COL5A3: variants seen among roughly 807,000 people sequenced by gnomAD.
COL5A3 encodes the protein collagen type V alpha 3 chain.
COL5A3 carries 172 observed loss-of-function variants against 250.0 expected under a neutral mutation model. The observed-to-expected ratio is 0.69, with a 90% CI of 0.61 to 0.78. The LOEUF (loss-of-function observed/expected upper bound fraction) is 0.78. COL5A3 is among the 30% of genes least tolerant of loss of function. COL5A3 has a pLI of 0.00. For synonymous variants in COL5A3, 937 were observed against 900.4 expected, an observed-to-expected ratio of 1.04 and a Z score of -0.73; for missense variants, 2,340 against 2,334.4, an observed-to-expected ratio of 1.00 and a Z score of -0.05.
chr19:9,989,546 G>A lies in COL5A3; in HGVS notation c.1993-24C>T, dbSNP rs375079618. ...CCCTGAAAGAAGATGAACAGCAGGG[G>A]AGAGACAGAGGTGCTCAGAGCCCTG... is the stretch of plus-strand genomic sequence containing the variant. On this transcript the variant is annotated intron_variant, in intron 24 of 66. Coordinates refer to ENST00000264828, the MANE Select transcript of COL5A3 (RefSeq NM_015719.4). The A allele has an allele frequency of 8.1e-6, 13 of 1,600,984 alleles. No individual in the cohort carries two copies. The African/African-American group carries it at 1.7e-4, about 21-fold the overall frequency.
intron 31 of COL5A3, among the ~76,000 whole-genome samples, chr19:9,983,642 A>C (rs1034205353): frequency 6.7e-6 from 1 of 150,276 alleles, no homozygotes; most frequent in Non-Finnish European, 1.5e-5. Flanking sequence ...AGAGAGAGAG[A>C]GAAAGAAAGA....
intron 32 of COL5A3, 89 bp downstream of exon 32, chr19:9,981,976 C>T: frequency 2.0e-6 from 2 of 1,009,098 alleles, no homozygotes; most frequent in Non-Finnish European, 1.6e-6. Context: ...ACACAAACAC[C>T]CAGGGTCCAC....
chr19:9,970,114 G>A (rs1362445144), intron 54 of COL5A3, among the ~76,000 whole-genome samples, 192 bp from the exon 55 acceptor site: 1 of 49,508 alleles, frequency 2.0e-5, no homozygotes, highest in Non-Finnish European at 3.9e-5. Flanking sequence ...GGCTGTGGGT[G>A]AGTGGAGGCT....
chr19:9,998,388 A>G (rs553741213), intron 8 of COL5A3, among the ~76,000 whole-genome samples: 17 of 152,150 alleles, frequency 1.1e-4, no homozygotes, highest in South Asian at 2.1e-4. Context: ...CTGCTGCCCA[A>G]TACTGATCCT....
Position 9,971,071 on chromosome 19 carries a change from C to T in COL5A3, c.3829-43G>A, listed in dbSNP as rs375684830. 185 of 1,481,976 alleles carry T rather than the reference C, an allele frequency of 1.2e-4. No homozygotes were observed. The African/African-American group carries it at 2.5e-3, about 20-fold the overall frequency. The allele number at this position is 1,481,976 out of a possible 1,614,324, so 91.8% of individuals were successfully genotyped here. On this transcript the variant is annotated intron_variant, in intron 52 of 66. Transcript: ENST00000264828. ...AGAGTTGGGAGGGGTGATGAGGGTA[C>T]GTGAGAATTTGGGATGGGGCTGGGA... is the stretch of plus-strand genomic sequence containing the variant.
Position 9,996,114 on chromosome 19 carries a change from G to T in COL5A3, c.1485C>A (p.Leu495=), listed in dbSNP as rs2087266372. The T allele has an allele frequency of 1.9e-6, 3 of 1,580,442 alleles. No individual in the cohort carries two copies. The East Asian group carries it at 6.7e-5, about 35-fold the overall frequency. ...GLTGRPGPVG[L]PGHPGLKGEE... ...CTCCTTTCAGACCTGGATGCCCGGG[G>T]AGACCCTTGGGGGAGGAGAGATGGA... The change falls in exon 15 of 67, where the codon CTC becomes CTA. Residue 495 remains leucine (L), a synonymous_variant. Coordinates refer to ENST00000264828, the MANE Select transcript of COL5A3 (RefSeq NM_015719.4).
chr19:10,004,786 A>G (rs981250077), intron 4 of COL5A3, among the ~76,000 whole-genome samples: 2 of 152,174 alleles, frequency 1.3e-5, no homozygotes, highest in Admixed American at 1.3e-4. Flanking sequence ...CACCCAGAAC[A>G]CATATCACAC....
chr19:9,965,255 C>T (rs564625231), intron 64 of COL5A3, among the ~76,000 whole-genome samples: 3 of 149,862 alleles, frequency 2.0e-5, no homozygotes, highest in South Asian at 2.1e-4. Flanking sequence ...TCTGGGTTCA[C>T]GCCATCCTCC....
intron 40 of COL5A3, 105 bp from the exon 41 acceptor site, chr19:9,978,732 A>T (rs1158299872): frequency 3.2e-6 from 3 of 950,984 alleles, no homozygotes; most frequent in Non-Finnish European, 4.6e-6. Flanking sequence ...CTGGGACTGG[A>T]CACTGAGCTT....
At position 9,968,772 on chromosome 19, in the gene COL5A3, C is replaced by T. The variant is rs772333179; in HGVS notation, c.4153-44G>A. ...TCAGTTAGGGATTCTCAAATGTGAA[C>T]TCGAGGTCTGTGTGGGTGGTTAGGG... is the stretch of plus-strand genomic sequence containing the variant. On this transcript the variant is annotated intron_variant, in intron 57 of 66. Transcript: ENST00000264828. This position sits in a 1 kb window ranked among gnomAD's most constrained non-coding sequence, Gnocchi z 4.1. 1.3e-6 allele frequency: 2 copies of T among 1,561,064 alleles called. No individual in the cohort carries two copies. The highest frequency in any genetic ancestry group is 2.3e-5 in the East Asian group (1 of 44,112).
rs538202648 is a variant in COL5A3 at position 9,991,893 on chromosome 19, G to A, written c.1894-52C>T. 82 of 1,590,486 alleles carry A rather than the reference G, an allele frequency of 5.2e-5. 1 individual carries two copies. Among genetic ancestry groups the A allele is most frequent in the East Asian group, 3.6e-4 (16 of 44,704 alleles). On this transcript the variant is annotated intron_variant, in intron 22 of 66. Coordinates refer to ENST00000264828, the MANE Select transcript of COL5A3 (RefSeq NM_015719.4). ...AGCTAAGAGGGGTCATGGTGTTGGG[G>A]CGTTAGTGAAATTGACTTGGGGGGG...
chr19:9,970,533 T>C lies in COL5A3; in HGVS notation c.3936+89A>G, dbSNP rs2086829716. 5 of 706,822 alleles carry C rather than the reference T, an allele frequency of 7.1e-6. No individual in the cohort carries two copies. In the South Asian group the frequency reaches 1.3e-4, roughly 19 times the overall value. The allele number at this position is 706,822 out of a possible 1,614,324, so 43.8% of individuals were successfully genotyped here. A position where few individuals can be genotyped will look rare whatever the true frequency, so the allele number is the denominator to read the frequency against. Reference sequence around the variant, plus strand: ...CTGTGGGTGTGTGGGGTCTGTGGGGTGAGTTGAGGGCTGTGGGATGAGTGA... The same window carrying C: ...CTGTGGGTGTGTGGGGTCTGTGGGGCGAGTTGAGGGCTGTGGGATGAGTGA... On this transcript the variant is annotated intron_variant, in intron 54 of 66. Coordinates refer to ENST00000264828, the MANE Select transcript of COL5A3 (RefSeq NM_015719.4).
chr19:9,967,641 A>G (rs2086773359), intron 61 of COL5A3: 2 of 558,908 alleles, frequency 3.6e-6, no homozygotes, highest in Admixed American at 7.4e-5. Context: ...CTCTGAAATC[A>G]GCTTCTTAAC....
At chr19:9,989,072 T>C (rs11883111) in intron 27 of COL5A3, 52 bp downstream of exon 27, 566,219 of 1,582,846 alleles carry the variant, frequency 0.36, 104,532 homozygotes, top group African/African-American at 0.61. Context: ...CTGCATCGCA[T>C]GCCTGAACCC....
At chr19:10,000,452 C>CT (rs576119335) in intron 8 of COL5A3, among the ~76,000 whole-genome samples, 2,900 of 62,730 alleles carry the variant, frequency 0.046, 317 homozygotes, top group African/African-American at 0.065. Context: ...CCAGAGAGCT[C>CT]TTTTTTTTTT....
chr19:10,003,892 C>G, intron 5 of COL5A3, 149 bp downstream of exon 5: 7 of 1,001,058 alleles, frequency 7.0e-6, no homozygotes, highest in Non-Finnish European at 1.1e-5. Flanking sequence ...GACTTGAGGT[C>G]AAAGTCATTC....
At chr19:9,984,546 A>T (rs2087067747) in intron 31 of COL5A3, among the ~76,000 whole-genome samples, 1 of 152,236 alleles carries the variant, frequency 6.6e-6, no homozygotes, top group Admixed American at 6.5e-5. Context: ...TTATGATTCT[A>T]TGATTCTCCC....
chr19:9,991,224 AGAGT>A (rs1409195827), intron 24 of COL5A3, among the ~76,000 whole-genome samples: 1 of 152,218 alleles, frequency 6.6e-6, no homozygotes, highest in Non-Finnish European at 1.5e-5. Flanking sequence ...CCTGGGCGAC[AGAGT>A]GAGACCCTGT....
Position 9,960,378 on chromosome 19 carries a change from G to C in COL5A3, c.*33C>G, listed in dbSNP as rs1476286934. 2 of 1,612,814 alleles carry C rather than the reference G, an allele frequency of 1.2e-6. No individual in the cohort carries two copies. Among genetic ancestry groups the C allele is most frequent in the East Asian group, 2.2e-5 (1 of 44,864 alleles). ...AGCACCAAATGCACCCCATTCTGGG[G>C]CTCCCTCATGGTCCCTCCCACCCCG... On this transcript the variant is annotated 3_prime_UTR_variant, in exon 67 of 67. Transcript: ENST00000264828.
Sources: allele counts gnomAD v4.1 joint callset (sites outside exome capture counted in the v4.1 genomes callset), GRCh38; gene constraint gnomAD v4.1.1; non-coding constraint Gnocchi (gnomAD v3.1); transcripts MANE v1.5; gene names NCBI Gene and HGNC (gene_info 2026-07-23, HGNC 2026-07-21).